GABBR2: variants seen among roughly 807,000 people sequenced by gnomAD.
GABBR2 encodes the protein gamma-aminobutyric acid type B receptor subunit 2.
Under a neutral mutation model 105.6 loss-of-function variants are expected in GABBR2, and 23 were observed. That is an observed-to-expected ratio of 0.22 (90% CI 0.16 to 0.31). GABBR2 has a LOEUF of 0.31. Ranked by LOEUF, GABBR2 falls within the 10% of genes least tolerant of loss-of-function variation. The probability of loss-of-function intolerance (pLI) is 1.00; values close to 1 mark genes in which losing one functional copy is unlikely to be tolerated. For synonymous variants in GABBR2, 478 were observed against 499.7 expected, an observed-to-expected ratio of 0.96 and a Z score of 0.58; for missense variants, 734 against 1,245.5, an observed-to-expected ratio of 0.59 and a Z score of 6.18.
At chr9:98,330,570 T>A (rs936750421) in intron 13 of GABBR2, among the ~76,000 whole-genome samples, 3 of 152,312 alleles carry the variant, frequency 2.0e-5, no homozygotes, top group African/African-American at 7.2e-5. Context: ...GACCCGACAA[T>A]CATTTAGCCT....
At chr9:98,441,365 T>C (rs576605370) in intron 7 of GABBR2, among the ~76,000 whole-genome samples, 23 of 152,210 alleles carry the variant, frequency 1.5e-4, no homozygotes, top group Non-Finnish European at 2.9e-4. Context: ...TTATTATTAT[T>C]ATTATTATTT....
intron 12 of GABBR2, among the ~76,000 whole-genome samples, chr9:98,367,327 C>CT (rs1491437744): frequency 1.4e-5 from 2 of 143,866 alleles, no homozygotes; most frequent in Non-Finnish European, 3.0e-5. Flanking sequence ...AAGGGGGCCA[C>CT]TAAAAAAAGT....
rs529200523 is a variant in GABBR2, at chr9:98,524,371, C to T, written c.630+17502G>A. On this transcript the variant is annotated intron_variant, in intron 3 of 18. Coordinates refer to ENST00000259455, the MANE Select transcript of GABBR2 (RefSeq NM_005458.8). ...TCACGGCAAAATATAAATTATCATA[C>T]GTACTTACAGAAAAAAATAGATGAA... 1.3e-4 allele frequency among the ~76,000 whole-genome samples: 20 copies of T among 152,238 alleles called. No individual in the cohort carries two copies. The South Asian group carries it at 3.1e-3, about 24-fold the overall frequency.
intron 4 of GABBR2, among the ~76,000 whole-genome samples, chr9:98,493,137 T>C (rs1250199361): frequency 6.6e-6 from 1 of 152,230 alleles, no homozygotes; most frequent in African/African-American, 2.4e-5. Flanking sequence ...TAATACTACT[T>C]TAATTTTTTG....
At chr9:98,443,832 A>G in intron 7 of GABBR2, among the ~76,000 whole-genome samples, 1 of 152,136 alleles carries the variant, frequency 6.6e-6, no homozygotes, top group East Asian at 1.9e-4. Context: ...TTCACTATTA[A>G]TATGGGGATG....
chr9:98,390,375 CAA>C lies in GABBR2; in HGVS notation c.1379-1373_1379-1372del, dbSNP rs61216428. Reference sequence around the variant, plus strand: ...GGTGACAGAGCAAGACTCCATCTCACAAAAAAAAAAAAAAAAAAAAAAAAAAA... The same window carrying C: ...GGTGACAGAGCAAGACTCCATCTCACAAAAAAAAAAAAAAAAAAAAAAAAA... On this transcript the variant is annotated intron_variant, in intron 9 of 18. Coordinates refer to ENST00000259455, the MANE Select transcript of GABBR2 (RefSeq NM_005458.8). Among the ~76,000 whole-genome samples the C allele has an allele frequency of 0.017, 547 of 32,294 alleles. 5 individuals are homozygous for C. The East Asian group carries it at 0.19, about 11-fold the overall frequency. The allele number at this position is 32,294 out of a possible 152,430, so 21.2% of individuals were successfully genotyped here.
intron 12 of GABBR2, among the ~76,000 whole-genome samples, chr9:98,367,580 C>T (rs1449968486): frequency 6.6e-6 from 1 of 152,128 alleles, no homozygotes; most frequent in Non-Finnish European, 1.5e-5. Context: ...AAACGAACAA[C>T]ATGAACTGCC....
chr9:98,383,245 G>A (rs1312489553), intron 11 of GABBR2, among the ~76,000 whole-genome samples: 1 of 152,174 alleles, frequency 6.6e-6, no homozygotes, highest in East Asian at 1.9e-4. Context: ...CTTGCCCCAG[G>A]AGGCCATACT....
At chr9:98,675,446 G>T (rs1000588877) in intron 1 of GABBR2, among the ~76,000 whole-genome samples, 1 of 152,144 alleles carries the variant, frequency 6.6e-6, no homozygotes, top group South Asian at 2.1e-4. Context: ...GGGAGTCAGC[G>T]GACACAGGGG....
intron 18 of GABBR2, among the ~76,000 whole-genome samples, chr9:98,291,035 C>A (rs1280794063): frequency 6.6e-6 from 1 of 152,144 alleles, no homozygotes; most frequent in Non-Finnish European, 1.5e-5. Context: ...TATAAATACC[C>A]TAGCAGAAAA....
chr9:98,362,744 G>C lies in GABBR2; in HGVS notation c.1864C>G (p.Arg622Gly). The C allele has an allele frequency of 6.2e-7, 1 of 1,600,920 alleles. No homozygotes were observed. The highest frequency in any genetic ancestry group is 1.1e-5 in the South Asian group (1 of 88,826). Residue 622 changes from arginine (R) to glycine (G), a missense_variant, in exon 13 of 19, where the codon CGA (arginine) becomes GGA (glycine). Transcript: ENST00000259455. ...ATGCTGTACTTCTCCACTGTCCTTC[G>C]CAGGGGGTCCACAGCCTGCCAGCAG... Reference protein sequence around the residue: ...LICWQAVDPLRRTVEKYSMEP... With the variant: ...LICWQAVDPLGRTVEKYSMEP...
chr9:98,501,492 C>T (rs1051227292), intron 3 of GABBR2, among the ~76,000 whole-genome samples: 2 of 152,148 alleles, frequency 1.3e-5, no homozygotes, highest in Admixed American at 6.5e-5. Flanking sequence ...CATATCACAT[C>T]TAGAATGAAG....
At chr9:98,491,732 A>G (rs1265610158) in intron 4 of GABBR2, among the ~76,000 whole-genome samples, 1 of 152,162 alleles carries the variant, frequency 6.6e-6, no homozygotes, top group Non-Finnish European at 1.5e-5. Flanking sequence ...TGTGAAGGTA[A>G]TTTGGATTTT....
chr9:98,311,263 G>T (rs1382293067), intron 13 of GABBR2, 58 bp from the exon 14 acceptor site: 9 of 1,070,656 alleles, frequency 8.4e-6, no homozygotes, highest in Non-Finnish European at 1.3e-5. Context: ...CCAGCAACTG[G>T]GTCCTTATCT....
At chr9:98,567,594 C>G (rs78590788) in intron 2 of GABBR2, among the ~76,000 whole-genome samples, 1 of 152,192 alleles carries the variant, frequency 6.6e-6, no homozygotes, top group African/African-American at 2.4e-5. Flanking sequence ...ATCACAGTTG[C>G]GGTAACATCA....
At chr9:98,377,396 C>T (rs536991673) in intron 11 of GABBR2, among the ~76,000 whole-genome samples, 1 of 152,322 alleles carries the variant, frequency 6.6e-6, no homozygotes, top group East Asian at 1.9e-4. Flanking sequence ...TCATTTAGGA[C>T]TTCCAGAAAT....
chr9:98,362,623 A>C, intron 13 of GABBR2, 92 bp downstream of exon 13: 1 of 1,013,344 alleles, frequency 9.9e-7, no homozygotes, highest in Non-Finnish European at 1.3e-6. Context: ...CCAGTGGGGT[A>C]CTGGGCAGTC....
intron 6 of GABBR2, among the ~76,000 whole-genome samples, chr9:98,468,478 A>G (rs1826604151): frequency 6.6e-6 from 1 of 152,238 alleles, no homozygotes; most frequent in African/African-American, 2.4e-5. Flanking sequence ...TACAAAATTT[A>G]AAGGGGAGCC....
chr9:98,425,178 A>T (rs1186113933), intron 7 of GABBR2, among the ~76,000 whole-genome samples: 1 of 152,180 alleles, frequency 6.6e-6, no homozygotes, highest in Admixed American at 6.5e-5. Flanking sequence ...TTGGACAGAC[A>T]TAGGGAATGG....
Sources: gnomAD v4.1 joint callset for allele counts (sites outside exome capture counted in the v4.1 genomes callset) on GRCh38, gnomAD v4.1.1 for gene constraint, MANE v1.5 for transcripts, NCBI Gene and HGNC (gene_info 2026-07-23, HGNC 2026-07-21) for gene names.